Variants in UBE3C observed in about 807,000 individuals in gnomAD.
The protein encoded by UBE3C is ubiquitin-protein ligase E3C.
In UBE3C, 42 loss-of-function variants were observed where a neutral mutation model predicts 129.4. That is an observed-to-expected ratio of 0.32 (90% CI 0.25 to 0.42). UBE3C has a LOEUF of 0.42. Among genes scored for constraint, UBE3C ranks in the 10% least tolerant of loss-of-function variants. UBE3C has a pLI of 1.00. For missense variants in UBE3C, 1,049 were observed against 1,319.1 expected (o/e 0.80, Z 3.17); for synonymous variants, 510 against 492.4 (o/e 1.04, Z -0.47).
intron 6 of UBE3C, among the ~76,000 whole-genome samples, chr7:157,179,161 G>C (rs573613970): frequency 6.6e-6 from 1 of 152,028 alleles, no homozygotes; most frequent in East Asian, 1.9e-4. Flanking sequence ...CAGTGCAGCT[G>C]CCGGTCCTTC....
In UBE3C at chr7:157,231,091, A is replaced by C. The variant is rs1249084359; in HGVS notation, c.2245A>C (p.Lys749Gln). The C allele has an allele frequency of 6.2e-7, 1 of 1,612,972 alleles. No homozygotes were observed. Among genetic ancestry groups the C allele is most frequent in the African/African-American group, 1.3e-5 (1 of 74,928 alleles). Reference sequence around the variant, plus strand: ...TTTTTTTTTAACAGAGCCTGATTTGAAAAAGCGGATCCGTGTGCACTTGCT... The same window carrying C: ...TTTTTTTTTAACAGAGCCTGATTTGCAAAAGCGGATCCGTGTGCACTTGCT... ...KLSPENEPDL[K>Q]KRIRVHLLNA... Residue 749 changes from lysine (K) to glutamine (Q), a missense_variant, in exon 18 of 23, where the codon AAA (lysine) becomes CAA (glutamine). Transcript: ENST00000348165.
chr7:157,184,028 C>A lies in UBE3C; in HGVS notation c.1142C>A (p.Pro381Gln). 1 of 1,613,950 alleles carries A rather than the reference C, an allele frequency of 6.2e-7. No homozygotes were observed. Among genetic ancestry groups the A allele is most frequent in the Non-Finnish European group, 8.5e-7 (1 of 1,179,910 alleles). Residue 381 changes from proline (P) to glutamine (Q), a missense_variant and splice_region_variant, in exon 9 of 23, where the codon CCG (proline) becomes CAG (glutamine). This residue lies in a region of UBE3C where 489 missense variants were observed against 513.8 expected (regional missense o/e 0.95). Coordinates refer to ENST00000348165, the MANE Select transcript of UBE3C (RefSeq NM_014671.3). ...GAAGAAGCCGACAAGCCCTCAAGCCCGGTAAGCCCCGTGCCCTGCATCTGG... is the reference window on the plus strand; with the variant it reads ...GAAGAAGCCGACAAGCCCTCAAGCCAGGTAAGCCCCGTGCCCTGCATCTGG... ...ESEEADKPSS[P>Q]EDGRLSVSYI...
chr7:157,169,230 C>T, intron 3 of UBE3C, 108 bp downstream of exon 3: 2 of 716,560 alleles, frequency 2.8e-6, no homozygotes, highest in Non-Finnish European at 4.4e-6. Flanking sequence ...CAGTAGTATT[C>T]TTCCCAATAA....
At chr7:157,248,715 G>A (rs899814289) in intron 19 of UBE3C, 135 bp downstream of exon 19, 6 of 960,620 alleles carry the variant, frequency 6.2e-6, no homozygotes, top group South Asian at 1.5e-5. Flanking sequence ...TGAGTTAGAC[G>A]TCGAAGCATA....
At chr7:157,159,578 C>A (rs148888486) in intron 1 of UBE3C, among the ~76,000 whole-genome samples, 6 of 152,330 alleles carry the variant, frequency 3.9e-5, no homozygotes, top group African/African-American at 1.4e-4. Flanking sequence ...TGATTAAATA[C>A]CATTTGCAGC....
At chr7:157,220,482 C>T (rs185805285) in intron 14 of UBE3C, among the ~76,000 whole-genome samples, 44 of 152,188 alleles carry the variant, frequency 2.9e-4, no homozygotes, top group African/African-American at 9.4e-4. Context: ...TATTAGAAAA[C>T]ATAGTTAACT....
At chr7:157,212,218 TAACTC>T (rs1252076758) in intron 13 of UBE3C, among the ~76,000 whole-genome samples, 2 of 152,152 alleles carry the variant, frequency 1.3e-5, no homozygotes, top group African/African-American at 2.4e-5. Flanking sequence ...AAAAAAAAAT[TAACTC>T]AGTTGTTTGG....
At chr7:157,160,531 T>C (rs1808041826) in intron 1 of UBE3C, among the ~76,000 whole-genome samples, 1 of 152,202 alleles carries the variant, frequency 6.6e-6, no homozygotes, top group Non-Finnish European at 1.5e-5. Context: ...TTGGCAAGAC[T>C]AACACAATAG....
At chr7:157,159,808 G>A (rs553344999) in intron 1 of UBE3C, among the ~76,000 whole-genome samples, 40 of 152,262 alleles carry the variant, frequency 2.6e-4, no homozygotes, top group African/African-American at 9.1e-4. Flanking sequence ...GGGCCAGAGC[G>A]AGACTCTGTC....
chr7:157,254,480 C>A (rs975280085), intron 21 of UBE3C, among the ~76,000 whole-genome samples, 170 bp downstream of exon 21: 26 of 151,626 alleles, frequency 1.7e-4, no homozygotes, highest in Admixed American at 1.7e-3. Context: ...TCACTGAAAC[C>A]TTTGCCTCCC....
chr7:157,177,547 G>A (rs1283214388), intron 5 of UBE3C, among the ~76,000 whole-genome samples: 2 of 152,194 alleles, frequency 1.3e-5, no homozygotes, highest in Non-Finnish European at 2.9e-5. Context: ...ACCGCCCGCC[G>A]CTGCCCTTTG....
intron 10 of UBE3C, 25 bp from the exon 11 acceptor site, chr7:157,201,696 G>T (rs751129660): frequency 1.8e-5 from 14 of 798,318 alleles, no homozygotes; most frequent in Non-Finnish European, 2.3e-5. Context: ...TTACTGTTCT[G>T]TGTTTTTCTC....
chr7:157,182,676 A>AACAT (rs202051494), intron 8 of UBE3C, among the ~76,000 whole-genome samples: 21 of 152,186 alleles, frequency 1.4e-4, no homozygotes, highest in Non-Finnish European at 2.2e-4. Flanking sequence ...TATGTTTGAA[A>AACAT]ACATACATAC....
intron 1 of UBE3C, among the ~76,000 whole-genome samples, chr7:157,145,880 G>A (rs990996298): frequency 1.4e-4 from 21 of 152,094 alleles, no homozygotes; most frequent in Non-Finnish European, 2.9e-4. Flanking sequence ...TTGTATCTGT[G>A]TGGTACATTT....
intron 22 of UBE3C, among the ~76,000 whole-genome samples, chr7:157,260,550 G>A (rs1040872533): frequency 4.6e-5 from 7 of 152,208 alleles, no homozygotes; most frequent in Non-Finnish European, 7.3e-5. Context: ...CAGGTGAGGC[G>A]TGCAGACGAC....
chr7:157,266,175 G>A (rs967181309), intron 22 of UBE3C, among the ~76,000 whole-genome samples: 1 of 152,020 alleles, frequency 6.6e-6, no homozygotes, highest in African/African-American at 2.4e-5. Context: ...TTAGCCGGGC[G>A]TGGTGGCGGG....
intron 18 of UBE3C, among the ~76,000 whole-genome samples, chr7:157,242,516 T>TGG (rs398048214): frequency 2.3e-5 from 3 of 127,790 alleles, no homozygotes; most frequent in South Asian, 2.5e-4. Context: ...CCTGAGTTGT[T>TGG]TTTTTTTTTT....
At chr7:157,156,712 TTA>T (rs1491527520) in intron 1 of UBE3C, among the ~76,000 whole-genome samples, 25 of 126,770 alleles carry the variant, frequency 2.0e-4, no homozygotes, top group African/African-American at 9.7e-4. Flanking sequence ...TCCCTTCTTT[TTA>T]AAAAAAAAAA....
At position 157,243,237 on chromosome 7, in the gene UBE3C, G is replaced by A. The variant is rs982803868; in HGVS notation, c.2482-5131G>A. ...GAAAGCCGAGTTGGAGATGAGAAGG[G>A]CAATCTCTGCAGGCTTTCCTTGTCT... On this transcript the variant is annotated intron_variant, in intron 18 of 22. Coordinates refer to ENST00000348165, the MANE Select transcript of UBE3C (RefSeq NM_014671.3). Among the ~76,000 whole-genome samples, 3 of 152,278 alleles carry A rather than the reference G, an allele frequency of 2.0e-5. No homozygotes were observed. The East Asian group carries it at 5.8e-4, about 29-fold the overall frequency.
Sources: gnomAD v4.1 joint callset for allele counts (sites outside exome capture counted in the v4.1 genomes callset) on GRCh38, gnomAD v4.1.1 for gene constraint, gnomAD v4.1.1 regional missense constraint, MANE v1.5 for transcripts, NCBI Gene and HGNC (gene_info 2026-07-23, HGNC 2026-07-21) for gene names.